Variants in UBE2K observed in about 807,000 individuals in gnomAD.
The protein encoded by UBE2K is ubiquitin conjugating enzyme E2 K.
A neutral mutation model predicts 30.0 loss-of-function variants in UBE2K; 6 were observed. That is an observed-to-expected ratio of 0.20 (90% CI 0.11 to 0.39). The LOEUF (loss-of-function observed/expected upper bound fraction) is 0.39. UBE2K is among the 10% of genes least tolerant of loss of function. The probability of loss-of-function intolerance (pLI) is 1.00; values close to 1 mark genes in which losing one functional copy is unlikely to be tolerated. For missense variants in UBE2K, 61 were observed against 241.6 expected (o/e 0.25, Z 4.96); for synonymous variants, 86 against 83.7 (o/e 1.03, Z -0.15).
In UBE2K at chr4:39,780,463, G is replaced by T. The variant is rs569807224; in HGVS notation, c.*2029G>T. ...TGAGAGAGCTCAGAGGTTTCTAAAGGTCAAGCATTTTACATATATACATAC... is the reference window on the plus strand; with the variant it reads ...TGAGAGAGCTCAGAGGTTTCTAAAGTTCAAGCATTTTACATATATACATAC... On this transcript the variant is annotated 3_prime_UTR_variant, in exon 7 of 7. Transcript: ENST00000261427. 1.3e-5 allele frequency: 2 copies of T among 152,192 alleles called. No homozygotes were observed. Among genetic ancestry groups the T allele is most frequent in the African/African-American group, 2.4e-5 (1 of 41,548 alleles). 9.4% of individuals were successfully genotyped at this position (152,192 alleles called of 1,614,324 possible).
At chr4:39,708,272 A>G (rs902867613) in intron 1 of UBE2K, among the ~76,000 whole-genome samples, 1 of 152,092 alleles carries the variant, frequency 6.6e-6, no homozygotes, top group African/African-American at 2.4e-5. Flanking sequence ...TTATTGATAC[A>G]ATTATTCAAG....
chr4:39,732,172 T>C (rs1720109206), intron 1 of UBE2K, among the ~76,000 whole-genome samples: 1 of 152,208 alleles, frequency 6.6e-6, no homozygotes, highest in Non-Finnish European at 1.5e-5. Flanking sequence ...TATACTTTAT[T>C]CGTTAAATTC....
chr4:39,703,174 A>G lies in UBE2K; in HGVS notation c.63+4784A>G, dbSNP rs138622877. Reference sequence around the variant, plus strand: ...CCCGGTTAATGTTTTTATTTTTAGTAGAGACGGGGGTTTCACCATGTTGGC... The same window carrying G: ...CCCGGTTAATGTTTTTATTTTTAGTGGAGACGGGGGTTTCACCATGTTGGC... On this transcript the variant is annotated intron_variant, in intron 1 of 6. Transcript: ENST00000261427. 8.5e-3 allele frequency among the ~76,000 whole-genome samples: 1,289 copies of G among 152,116 alleles called. 25 individuals carry two copies. Among genetic ancestry groups the G allele is most frequent in the African/African-American group, 0.03 (1,234 of 41,514 alleles).
At chr4:39,702,870 C>G (rs1233197977) in intron 1 of UBE2K, among the ~76,000 whole-genome samples, 1 of 152,062 alleles carries the variant, frequency 6.6e-6, no homozygotes, top group African/African-American at 2.4e-5. Flanking sequence ...TTAGCAACAT[C>G]CCTGACCTCT....
intron 1 of UBE2K, among the ~76,000 whole-genome samples, chr4:39,730,266 C>A (rs1719996009): frequency 6.6e-6 from 1 of 152,112 alleles, no homozygotes; most frequent in Non-Finnish European, 1.5e-5. Context: ...CTTACTGCAC[C>A]CTTGACCTCT....
At chr4:39,707,708 T>TG (rs1438566265) in intron 1 of UBE2K, among the ~76,000 whole-genome samples, 1 of 151,170 alleles carries the variant, frequency 6.6e-6, no homozygotes, top group Non-Finnish European at 1.5e-5. Flanking sequence ...TTTGTAGAGA[T>TG]GGGGTCTCAT....
intron 4 of UBE2K, among the ~76,000 whole-genome samples, chr4:39,766,001 A>G (rs947226279): frequency 6.6e-6 from 1 of 152,194 alleles, no homozygotes; most frequent in Non-Finnish European, 1.5e-5. Flanking sequence ...CCATTCATCC[A>G]TCCATGGAAA....
chr4:39,751,674 CAAAAAT>C (rs1000364129), intron 3 of UBE2K, among the ~76,000 whole-genome samples: 6 of 151,668 alleles, frequency 4.0e-5, no homozygotes, highest in African/African-American at 1.5e-4. Context: ...GACCCTGTCT[CAAAAAT>C]AAATAAAAAA....
At chr4:39,749,552 G>A (rs572399956) in intron 3 of UBE2K, among the ~76,000 whole-genome samples, 1 of 152,162 alleles carries the variant, frequency 6.6e-6, no homozygotes, top group African/African-American at 2.4e-5. Flanking sequence ...GGTGGCATGC[G>A]CCTGTAGTCT....
At chr4:39,738,064 A>G (rs1053597480) in intron 2 of UBE2K, among the ~76,000 whole-genome samples, 14 of 152,202 alleles carry the variant, frequency 9.2e-5, no homozygotes, top group Admixed American at 7.9e-4. Context: ...GTCTGTAGCT[A>G]CTTTAGACCA....
chr4:39,738,129 T>C (rs1303899982), intron 2 of UBE2K, among the ~76,000 whole-genome samples: 1 of 152,202 alleles, frequency 6.6e-6, no homozygotes, highest in East Asian at 1.9e-4. Flanking sequence ...ACTTTCTTAT[T>C]AGGTGAGTCT....
At chr4:39,709,428 C>T (rs931212876) in intron 1 of UBE2K, among the ~76,000 whole-genome samples, 2 of 152,038 alleles carry the variant, frequency 1.3e-5, no homozygotes, top group East Asian at 1.9e-4. Context: ...GTTTGATTTT[C>T]TGCAGTTTCA....
chr4:39,727,437 C>T (rs915568199), intron 1 of UBE2K, among the ~76,000 whole-genome samples: 2 of 152,186 alleles, frequency 1.3e-5, no homozygotes, highest in Non-Finnish European at 2.9e-5. Flanking sequence ...TCACGGCTCT[C>T]TGCAGCCTGG....
intron 4 of UBE2K, among the ~76,000 whole-genome samples, chr4:39,756,174 T>C (rs1721507252): frequency 6.6e-6 from 1 of 152,244 alleles, no homozygotes; most frequent in African/African-American, 2.4e-5. Context: ...AGCACCTTTG[T>C]AGGTGATGTC....
In UBE2K at chr4:39,781,423, A is replaced by G. The variant is rs1713603439; in HGVS notation, c.*2989A>G. 6.6e-6 allele frequency: 1 copy of G among 152,248 alleles called. No individual in the cohort carries two copies. Among genetic ancestry groups the G allele is most frequent in the Non-Finnish European group, 1.5e-5 (1 of 68,106 alleles). The allele number at this position is 152,248 out of a possible 1,614,324, so 9.4% of individuals were successfully genotyped here. On this transcript the variant is annotated 3_prime_UTR_variant, in exon 7 of 7. Transcript: ENST00000261427. ...TAAGTATCTGTAAGAAAGAATTGGC[A>G]GTTTAAACGGATTTTGCTTATTTAT...
At chr4:39,725,578 C>G (rs1241357354) in intron 1 of UBE2K, among the ~76,000 whole-genome samples, 1 of 152,038 alleles carries the variant, frequency 6.6e-6, no homozygotes, top group Non-Finnish European at 1.5e-5. Flanking sequence ...TGATAAAACT[C>G]CAGTTGGTTA....
chr4:39,761,912 A>G (rs1485428859), intron 4 of UBE2K, among the ~76,000 whole-genome samples: 1 of 151,744 alleles, frequency 6.6e-6, no homozygotes, highest in Non-Finnish European at 1.5e-5. Flanking sequence ...GTGGTGGCTG[A>G]TGCCTATAAT....
intron 4 of UBE2K, among the ~76,000 whole-genome samples, chr4:39,763,904 T>G (rs565836841): frequency 1.3e-5 from 2 of 152,210 alleles, no homozygotes; most frequent in Admixed American, 6.5e-5. Context: ...CACACTTGGC[T>G]AATTTTTTGT....
chr4:39,752,133 T>G (rs1017198251), intron 3 of UBE2K, among the ~76,000 whole-genome samples: 1 of 152,034 alleles, frequency 6.6e-6, no homozygotes, highest in African/African-American at 2.4e-5. Flanking sequence ...TTGTATGTGT[T>G]TGTTTTGTTT....
Sources: gnomAD v4.1 joint callset for allele counts (sites outside exome capture counted in the v4.1 genomes callset) on GRCh38, gnomAD v4.1.1 for gene constraint, MANE v1.5 for transcripts, NCBI Gene and HGNC (gene_info 2026-07-23, HGNC 2026-07-21) for gene names.